The following ENTREP2 variants were observed in gnomAD, a reference collection of about 807,000 sequenced individuals.
The protein encoded by ENTREP2 is protein ENTREP2.
chr15:29,238,716 C>T, the ENTREP2 span, among the ~76,000 whole-genome samples: 1 of 152,124 alleles, frequency 6.6e-6, no homozygotes, highest in South Asian at 2.1e-4. Flanking sequence ...CCGGGGAGGC[C>T]TCAGGGAGCT....
At chr15:29,383,669 G>A in the ENTREP2 span, among the ~76,000 whole-genome samples, 14 of 152,148 alleles carry the variant, frequency 9.2e-5, no homozygotes, top group Non-Finnish European at 1.8e-4. Context: ...ACAGACTGCA[G>A]TTCACCCTCA....
chr15:29,654,090 T>G, the ENTREP2 span, among the ~76,000 whole-genome samples: 11,289 of 152,194 alleles, frequency 0.074, 1,308 homozygotes, highest in African/African-American at 0.25. Context: ...ATTGCTATAA[T>G]TATACTTATC....
the ENTREP2 span, among the ~76,000 whole-genome samples, chr15:29,451,143 A>C: frequency 9.2e-5 from 14 of 152,344 alleles, no homozygotes; most frequent in Non-Finnish European, 1.6e-4. Context: ...AATAAGTAAG[A>C]GTAACTGTCC....
the ENTREP2 span, among the ~76,000 whole-genome samples, chr15:29,599,295 C>G: frequency 6.6e-6 from 1 of 152,194 alleles, no homozygotes; most frequent in Non-Finnish European, 1.5e-5. Flanking sequence ...TATTGACCAT[C>G]TATTCATTTA....
chr15:29,648,577 A>C, the ENTREP2 span, among the ~76,000 whole-genome samples: 284 of 152,332 alleles, frequency 1.9e-3, 1 homozygote, highest in African/African-American at 6.7e-3. Flanking sequence ...CTCCTAGAGA[A>C]TCTGCAGCAA....
chr15:29,439,329 A>G, the ENTREP2 span, among the ~76,000 whole-genome samples: 1 of 115,172 alleles, frequency 8.7e-6, no homozygotes, highest in African/African-American at 3.3e-5. Flanking sequence ...ACACACACAC[A>G]CACAAACAGT....
the ENTREP2 span, chr15:29,381,707 C>A: frequency 7.3e-7 from 1 of 1,368,806 alleles, no homozygotes; most frequent in Non-Finnish European, 1.0e-6. Flanking sequence ...CCACTGCCTC[C>A]AACCTGCTCA....
chr15:29,640,869 C>T, the ENTREP2 span, among the ~76,000 whole-genome samples: 1 of 152,070 alleles, frequency 6.6e-6, no homozygotes, highest in Non-Finnish European at 1.5e-5. Flanking sequence ...AAAGATATCA[C>T]AAGAAGAGAA....
At chr15:29,278,805 C>T in the ENTREP2 span, among the ~76,000 whole-genome samples, 1 of 152,210 alleles carries the variant, frequency 6.6e-6, no homozygotes, top group Non-Finnish European at 1.5e-5. Context: ...CATTGCTCTA[C>T]ATGTGCACTG....
At chr15:29,667,993 T>C in the ENTREP2 span, among the ~76,000 whole-genome samples, 1 of 152,084 alleles carries the variant, frequency 6.6e-6, no homozygotes, top group Non-Finnish European at 1.5e-5. Flanking sequence ...TCCTTAAAAC[T>C]GTACAGGTGA....
the ENTREP2 span, among the ~76,000 whole-genome samples, chr15:29,177,380 T>A: frequency 6.6e-6 from 1 of 152,196 alleles, no homozygotes; most frequent in Admixed American, 6.5e-5. Flanking sequence ...CATAAATGCA[T>A]CTATGAATCA....
At chr15:29,185,311 A>G in the ENTREP2 span, among the ~76,000 whole-genome samples, 1 of 152,132 alleles carries the variant, frequency 6.6e-6, no homozygotes, top group Admixed American at 6.5e-5. Flanking sequence ...AATGCCCTCC[A>G]TGCATCTCTG....
the ENTREP2 span, among the ~76,000 whole-genome samples, chr15:29,236,004 G>C: frequency 2.0e-5 from 3 of 151,526 alleles, no homozygotes; most frequent in Non-Finnish European, 2.9e-5. Flanking sequence ...AAAGCAAACA[G>C]AAGAAAAGAA....
the ENTREP2 span, among the ~76,000 whole-genome samples, chr15:29,464,205 T>C: frequency 1.3e-5 from 2 of 151,970 alleles, no homozygotes; most frequent in African/African-American, 4.8e-5. Flanking sequence ...AAATGTTATG[T>C]TATAGATATT....
the ENTREP2 span, among the ~76,000 whole-genome samples, chr15:29,633,297 G>A: frequency 2.0e-5 from 3 of 152,282 alleles, no homozygotes; most frequent in East Asian, 3.9e-4. Context: ...CAAGGTCCCC[G>A]AGGCTTCAGG....
the ENTREP2 span, among the ~76,000 whole-genome samples, chr15:29,239,824 A>G: frequency 6.6e-6 from 1 of 152,162 alleles, no homozygotes; most frequent in African/African-American, 2.4e-5. Flanking sequence ...ACAAAACTAC[A>G]CACTAGTTTT....
chr15:29,655,626 G>C, the ENTREP2 span, among the ~76,000 whole-genome samples: 23 of 152,204 alleles, frequency 1.5e-4, no homozygotes, highest in African/African-American at 4.8e-4. Context: ...TATGTGAAAG[G>C]CTTGTGGAAA....
At chr15:29,656,189 C>T in the ENTREP2 span, among the ~76,000 whole-genome samples, 2 of 151,618 alleles carry the variant, frequency 1.3e-5, no homozygotes, top group Non-Finnish European at 2.9e-5. Flanking sequence ...GAATGCATTA[C>T]CAGAAAATCT....
At chr15:29,608,552 T>TTATTA in the ENTREP2 span, among the ~76,000 whole-genome samples, 98 of 94,722 alleles carry the variant, frequency 1.0e-3, no homozygotes, top group African/African-American at 3.5e-3. Context: ...TATTATTATT[T>TTATTA]ATTTATTATT....
Sources: allele counts gnomAD v4.1 joint callset (sites outside exome capture counted in the v4.1 genomes callset), GRCh38; gene constraint gnomAD v4.1.1; transcripts MANE v1.5; gene names NCBI Gene and HGNC (gene_info 2026-07-23, HGNC 2026-07-21).